Variants in EPHA4 observed in about 807,000 individuals in gnomAD.
EPHA4 encodes ephrin type-A receptor 4.
Under a neutral mutation model 108.3 loss-of-function variants are expected in EPHA4, and 19 were observed. That is an observed-to-expected ratio of 0.18 (90% CI 0.12 to 0.26). The LOEUF (loss-of-function observed/expected upper bound fraction) is 0.26. EPHA4 is among the 10% of genes least tolerant of loss of function. EPHA4 has a pLI of 1.00. For missense variants in EPHA4, 917 were observed against 1,254.0 expected (o/e 0.73, Z 4.06); for synonymous variants, 449 against 455.5 (o/e 0.99, Z 0.18).
At chr2:221,543,769 A>G (rs1163322201) in intron 3 of EPHA4, among the ~76,000 whole-genome samples, 4 of 152,256 alleles carry the variant, frequency 2.6e-5, no homozygotes, top group Admixed American at 2.6e-4. Flanking sequence ...TACAGGGCTT[A>G]GAAGGATAAA....
chr2:221,457,937 C>T lies in EPHA4; in HGVS notation c.1372G>A (p.Ala458Thr). Residue 458 changes from alanine to threonine, a missense_variant, in exon 6 of 18, where the codon GCA becomes ACA. This residue lies in a region of EPHA4 where 758 missense variants were observed against 1,076.7 expected (regional missense o/e 0.70). Transcript: ENST00000281821. ...QAKEVTRYSVALAWLEPDRPN... is the reference protein window; with the variant it reads ...QAKEVTRYSVTLAWLEPDRPN... ...CGATCTGGTTCCAGCCAAGCCAGTG[C>T]CACACTGTATCTTGTGACTTCTTTA... The T allele has an allele frequency of 1.2e-6, 2 of 1,613,860 alleles. No homozygotes were observed. The highest frequency in any genetic ancestry group is 8.5e-7 in the Non-Finnish European group (1 of 1,179,796).
At chr2:221,434,333 C>T (rs746972446) in intron 13 of EPHA4, 42 bp from the exon 14 acceptor site, 95 of 1,595,304 alleles carry the variant, frequency 6.0e-5, no homozygotes, top group Non-Finnish European at 7.9e-5. Context: ...AAGTACATCA[C>T]TGATGTGCCA....
intron 3 of EPHA4, among the ~76,000 whole-genome samples, chr2:221,533,598 C>A (rs1387145300): frequency 1.3e-5 from 2 of 152,108 alleles, no homozygotes; most frequent in East Asian, 3.9e-4. Flanking sequence ...TTACAGCACG[C>A]TGAACGAGTT....
chr2:221,526,262 T>A (rs1443037354), intron 3 of EPHA4, among the ~76,000 whole-genome samples: 1 of 151,448 alleles, frequency 6.6e-6, no homozygotes, highest in Non-Finnish European at 1.5e-5. Context: ...ATACTAAATA[T>A]ATAAGACACT....
intron 5 of EPHA4, among the ~76,000 whole-genome samples, chr2:221,480,427 T>C (rs3770145): frequency 0.42 from 64,428 of 152,026 alleles, 13,753 homozygotes; most frequent in East Asian, 0.52. Flanking sequence ...ATTCTCCAGA[T>C]GGTGCAGAAA....
chr2:221,505,055 C>G (rs913134386), intron 3 of EPHA4, among the ~76,000 whole-genome samples: 1 of 152,128 alleles, frequency 6.6e-6, no homozygotes, highest in Non-Finnish European at 1.5e-5. Context: ...CCACACTTTG[C>G]TCTCTGTGAC....
At chr2:221,556,464 T>C (rs1409675000) in intron 3 of EPHA4, among the ~76,000 whole-genome samples, 2 of 147,742 alleles carry the variant, frequency 1.4e-5, no homozygotes, top group Non-Finnish European at 3.0e-5. Context: ...GCCCAGCTAA[T>C]TTTTGTATTT....
At chr2:221,532,644 A>G (rs1426382726) in intron 3 of EPHA4, 2 of 152,224 alleles carry the variant, frequency 1.3e-5, no homozygotes, top group East Asian at 1.9e-4. Flanking sequence ...AGTCATGCCA[A>G]AATTGTCTGT....
intron 3 of EPHA4, among the ~76,000 whole-genome samples, chr2:221,544,379 G>A (rs1272850271): frequency 6.6e-6 from 1 of 152,074 alleles, no homozygotes; most frequent in Non-Finnish European, 1.5e-5. Flanking sequence ...AGGCTGGAGT[G>A]CAATGGCACT....
At chr2:221,497,797 TAGG>T (rs1480124513) in intron 4 of EPHA4, among the ~76,000 whole-genome samples, 2 of 152,120 alleles carry the variant, frequency 1.3e-5, no homozygotes, top group African/African-American at 4.8e-5. Flanking sequence ...TAGTAAAGTG[TAGG>T]AGAAGGAGTT....
At chr2:221,550,670 A>T (rs1694132644) in intron 3 of EPHA4, among the ~76,000 whole-genome samples, 1 of 152,204 alleles carries the variant, frequency 6.6e-6, no homozygotes, top group Non-Finnish European at 1.5e-5. Context: ...GCCCATAGTC[A>T]CATAGTGAGT....
In EPHA4 at chr2:221,482,479, T is replaced by C; in HGVS notation, c.1191A>G (p.Lys397=). The change falls in exon 5 of 18, where the codon AAA becomes AAG. Residue 397 remains lysine, a synonymous_variant. Transcript: ENST00000281821. ...TPQQNGLKTT[K]VSITDLLAHT... The stretch of plus-strand genomic sequence containing the variant: ...GAGCTAGGAGGTCAGTGATGGAGAC[T>C]TTGGTGGTCTTCAAGCCATTCTGCT... The C allele has an allele frequency of 1.2e-6, 2 of 1,614,108 alleles. No individual in the cohort carries two copies. Among genetic ancestry groups the C allele is most frequent in the Non-Finnish European group, 1.7e-6 (2 of 1,179,988 alleles).
At chr2:221,529,785 T>C (rs942672667) in intron 3 of EPHA4, among the ~76,000 whole-genome samples, 4 of 152,212 alleles carry the variant, frequency 2.6e-5, no homozygotes, top group Non-Finnish European at 5.9e-5. Context: ...TTTCTAGGTG[T>C]GACACCATGG....
intron 8 of EPHA4, among the ~76,000 whole-genome samples, chr2:221,448,476 C>CA (rs554696727): frequency 2.6e-4 from 40 of 152,278 alleles, no homozygotes; most frequent in African/African-American, 9.4e-4. Flanking sequence ...AGTAACTAAA[C>CA]AGGTTTAAAT....
chr2:221,522,964 C>G (rs1187824767), intron 3 of EPHA4, among the ~76,000 whole-genome samples: 1 of 152,032 alleles, frequency 6.6e-6, no homozygotes, highest in Non-Finnish European at 1.5e-5. Context: ...GTTCGCCAGG[C>G]TGGTCTCGAA....
At position 221,482,559 on chromosome 2, in the gene EPHA4, C is replaced by A. The variant is rs1206616391; in HGVS notation, c.1111G>T (p.Ala371Ser). 6.2e-7 allele frequency: 1 copy of A among 1,613,964 alleles called. No individual in the cohort carries two copies. Among genetic ancestry groups the A allele is most frequent in the Non-Finnish European group, 8.5e-7 (1 of 1,180,006 alleles). The change falls in exon 5 of 18, where the codon GCT (alanine) becomes TCT (serine). Residue 371 changes from alanine to serine, a missense_variant. Physicochemically the swap from Ala to Ser is moderately conservative, Grantham distance 99 (BLOSUM62 1). Coordinates refer to ENST00000281821, the MANE Select transcript of EPHA4 (RefSeq NM_004438.5). Reference sequence around the variant, plus strand: ...GGTCGGCACTTGCTGGGGTCACCAGCTCCACATTTCTTGCATACCACATTA... The same window carrying A: ...GGTCGGCACTTGCTGGGGTCACCAGATCCACATTTCTTGCATACCACATTA... ...SYNVVCKKCGAGDPSKCRPCG... is the reference protein window; with the variant it reads ...SYNVVCKKCGSGDPSKCRPCG...
At position 221,526,513 on chromosome 2, in the gene EPHA4, G is replaced by A. The variant is rs1048920157; in HGVS notation, c.824-25341C>T. ...TCTCAAAGGTCTCCACCTTTCTCCT[G>A]TGTGCTCAGGAAACAACACAATCTA... On this transcript the variant is annotated intron_variant, in intron 3 of 17. Coordinates refer to ENST00000281821, the MANE Select transcript of EPHA4 (RefSeq NM_004438.5). Among the ~76,000 whole-genome samples the A allele has an allele frequency of 6.1e-5, 9 of 148,626 alleles. No individual in the cohort carries two copies. In the South Asian group the frequency reaches 1.5e-3, roughly 25 times the overall value.
At chr2:221,495,834 T>C (rs1295922919) in intron 4 of EPHA4, among the ~76,000 whole-genome samples, 1 of 152,190 alleles carries the variant, frequency 6.6e-6, no homozygotes, top group African/African-American at 2.4e-5. Flanking sequence ...ACAGTCTCTC[T>C]TTGGCTAGAA....
Position 221,478,848 on chromosome 2 carries a change from C to A in EPHA4, c.1318+3504G>T, listed in dbSNP as rs142764366. Among the ~76,000 whole-genome samples the A allele has an allele frequency of 5.9e-5, 9 of 152,296 alleles. No homozygotes were observed. In the East Asian group the frequency reaches 1.7e-3, roughly 29 times the overall value. On this transcript the variant is annotated intron_variant, in intron 5 of 17. Coordinates refer to ENST00000281821, the MANE Select transcript of EPHA4 (RefSeq NM_004438.5). ...GGGCTGCAAGTGTCACTGAAGCAAG[C>A]CCTTTTGGCCACAGATATAAAGCTC...
Sources: allele counts gnomAD v4.1 joint callset (sites outside exome capture counted in the v4.1 genomes callset), GRCh38; gene constraint gnomAD v4.1.1; regional missense constraint gnomAD v4.1.1; transcripts MANE v1.5; gene names NCBI Gene and HGNC (gene_info 2026-07-23, HGNC 2026-07-21).